KIF6: variants seen among roughly 807,000 people sequenced by gnomAD.
KIF6 encodes kinesin-like protein KIF6.
KIF6 carries 106 observed loss-of-function variants against 112.7 expected under a neutral mutation model. The ratio of observed to expected loss-of-function variants is 0.94; its 90% confidence interval spans 0.80 to 1.11. KIF6 has a LOEUF of 1.11. Ranked by LOEUF, KIF6 falls within the 50% of genes least tolerant of loss-of-function variation. The probability of loss-of-function intolerance (pLI) is 0.00; values close to 1 mark genes in which losing one functional copy is unlikely to be tolerated. For synonymous variants in KIF6, 339 were observed against 339.9 expected, an observed-to-expected ratio of 1.00 and a Z score of 0.03; for missense variants, 929 against 964.0, an observed-to-expected ratio of 0.96 and a Z score of 0.48.
intron 5 of KIF6, among the ~76,000 whole-genome samples, chr6:39,627,172 A>G (rs1349865614): frequency 6.6e-6 from 1 of 152,132 alleles, no homozygotes. Context: ...AACAAGCCCT[A>G]TGCTTCAACT....
At chr6:39,632,221 G>C (rs1472572881) in intron 5 of KIF6, among the ~76,000 whole-genome samples, 1 of 152,104 alleles carries the variant, frequency 6.6e-6, no homozygotes, top group African/African-American at 2.4e-5. Flanking sequence ...TGTGAGAAGA[G>C]CGTCTCGCAG....
chr6:39,512,315 G>C (rs1776830494), intron 13 of KIF6, among the ~76,000 whole-genome samples: 1 of 152,134 alleles, frequency 6.6e-6, no homozygotes, highest in African/African-American at 2.4e-5. Flanking sequence ...TTTAATTGCT[G>C]TCCTTTGGAC....
chr6:39,489,261 G>C (rs1203040974), intron 13 of KIF6, among the ~76,000 whole-genome samples: 1 of 152,028 alleles, frequency 6.6e-6, no homozygotes, highest in African/African-American at 2.4e-5. Flanking sequence ...TTTTTTAAAG[G>C]AAGGCTGTTA....
At chr6:39,646,135 T>C (rs113052408) in intron 3 of KIF6, among the ~76,000 whole-genome samples, 10,501 of 147,872 alleles carry the variant, frequency 0.071, 416 homozygotes, top group Middle Eastern at 0.11. Flanking sequence ...TATATATATA[T>C]ATAAAATAAA....
intron 10 of KIF6, among the ~76,000 whole-genome samples, chr6:39,562,466 CCTTA>C (rs1780058731): frequency 1.3e-5 from 2 of 152,272 alleles, no homozygotes; most frequent in South Asian, 2.1e-4. Flanking sequence ...TCCAGATAGG[CCTTA>C]GTTTTTGATA....
At chr6:39,472,968 C>A (rs1774216817) in intron 13 of KIF6, among the ~76,000 whole-genome samples, 1 of 151,848 alleles carries the variant, frequency 6.6e-6, no homozygotes, top group Admixed American at 6.6e-5. Context: ...CTCACCGCAA[C>A]CTCTGCCTCC....
intron 16 of KIF6, among the ~76,000 whole-genome samples, chr6:39,365,424 C>T (rs1204917519): frequency 5.3e-5 from 8 of 152,212 alleles, no homozygotes; most frequent in Admixed American, 5.2e-4. Flanking sequence ...AGGAAGCCCT[C>T]AAGGGCAGAG....
chr6:39,563,902 T>C (rs1780148706), intron 10 of KIF6, among the ~76,000 whole-genome samples: 1 of 152,216 alleles, frequency 6.6e-6, no homozygotes, highest in African/African-American at 2.4e-5. Context: ...AAATTGCACC[T>C]CATTTTAATT....
chr6:39,507,740 C>G (rs1292946070), intron 13 of KIF6, among the ~76,000 whole-genome samples: 1 of 148,956 alleles, frequency 6.7e-6, no homozygotes. Context: ...TCCCTCCTTC[C>G]TTCCTTCCAT....
chr6:39,382,996 C>T (rs1767096746), intron 16 of KIF6, among the ~76,000 whole-genome samples: 1 of 133,856 alleles, frequency 7.5e-6, no homozygotes, highest in South Asian at 2.2e-4. Flanking sequence ...CCTGTCTTTG[C>T]CCACTTTTTA....
chr6:39,365,392 C>T (rs1334095786), intron 16 of KIF6, among the ~76,000 whole-genome samples: 2 of 152,210 alleles, frequency 1.3e-5, no homozygotes, highest in East Asian at 1.9e-4. Flanking sequence ...ACATCACCCA[C>T]AGCCCCCCAA....
intron 13 of KIF6, among the ~76,000 whole-genome samples, chr6:39,460,704 C>G (rs722250): frequency 0.19 from 28,136 of 151,902 alleles, 3,854 homozygotes; most frequent in African/African-American, 0.38. Flanking sequence ...ATGTATCAAC[C>G]TAGAATTCTA....
At chr6:39,612,642 A>G (rs888541598) in intron 6 of KIF6, among the ~76,000 whole-genome samples, 1 of 152,230 alleles carries the variant, frequency 6.6e-6, no homozygotes, top group Non-Finnish European at 1.5e-5. Context: ...GTGTTACCAG[A>G]TATGCCAACA....
chr6:39,591,887 C>T (rs545452640), intron 7 of KIF6, among the ~76,000 whole-genome samples: 17 of 152,034 alleles, frequency 1.1e-4, no homozygotes, highest in Admixed American at 4.6e-4. Context: ...CTGAGGCGGG[C>T]GGATCACGAG....
intron 14 of KIF6, among the ~76,000 whole-genome samples, chr6:39,424,686 G>A (rs1770638918): frequency 6.6e-6 from 1 of 152,178 alleles, no homozygotes; most frequent in Non-Finnish European, 1.5e-5. Context: ...GATGTGGAAA[G>A]AGCATGCATG....
intron 13 of KIF6, among the ~76,000 whole-genome samples, chr6:39,475,517 G>C (rs917259870): frequency 6.6e-6 from 1 of 152,166 alleles, no homozygotes; most frequent in Non-Finnish European, 1.5e-5. Context: ...TATTTGTTAG[G>C]ATTGTCTTCA....
chr6:39,343,958 A>T lies in KIF6; in HGVS notation c.2322-143T>A. 1 of 552,990 alleles carries T rather than the reference A, an allele frequency of 1.8e-6. No homozygotes were observed. Among genetic ancestry groups the T allele is most frequent in the East Asian group, 3.1e-5 (1 of 32,352 alleles). The allele number at this position is 552,990 out of a possible 1,614,324, so 34.3% of individuals were successfully genotyped here. On this transcript the variant is annotated intron_variant, in intron 21 of 22. Coordinates refer to ENST00000287152, the MANE Select transcript of KIF6 (RefSeq NM_145027.6). The surrounding 1 kb of genome is among the most constrained non-coding windows in gnomAD (Gnocchi z 4.1). ...GCTGGCCTGCTTCTCACTCCCTCCT[A>T]CCTTCTCTGTGTGGCAGCCACACTA... is the stretch of plus-strand genomic sequence containing the variant.
intron 15 of KIF6, among the ~76,000 whole-genome samples, chr6:39,407,487 G>C (rs577053352): frequency 4.7e-4 from 72 of 152,294 alleles, no homozygotes; most frequent in African/African-American, 1.7e-3. Context: ...TTGCTAATGA[G>C]TTGCTAGGTT....
At position 39,583,935 on chromosome 6, in the gene KIF6, C is replaced by G. The variant is rs112718821; in HGVS notation, c.1077+963G>C. ...CATTTATGATGAGCTAAATTATTAC[C>G]ATGTAAATTTTTTTGCTTAAAAACA... On this transcript the variant is annotated intron_variant, in intron 9 of 22. Coordinates refer to ENST00000287152, the MANE Select transcript of KIF6 (RefSeq NM_145027.6). Among the ~76,000 whole-genome samples the G allele has an allele frequency of 7.3e-5, 11 of 151,684 alleles. 1 individual carries two copies. Among genetic ancestry groups the G allele is most frequent in the African/African-American group, 1.4e-4 (6 of 41,410 alleles).
Sources: allele counts gnomAD v4.1 joint callset (sites outside exome capture counted in the v4.1 genomes callset), GRCh38; gene constraint gnomAD v4.1.1; non-coding constraint Gnocchi (gnomAD v3.1); transcripts MANE v1.5; gene names NCBI Gene and HGNC (gene_info 2026-07-23, HGNC 2026-07-21).